Variants in PRKG1 observed in about 807,000 individuals in gnomAD.
PRKG1 encodes the protein protein kinase cGMP-dependent 1, also known as cGMP-dependent protein kinase 1.
In PRKG1, 35 loss-of-function variants were observed where a neutral mutation model predicts 88.1. The observed-to-expected ratio is 0.40, with a 90% confidence interval of 0.30 to 0.53. PRKG1 has a LOEUF of 0.53. Among genes scored for constraint, PRKG1 ranks in the 20% least tolerant of loss-of-function variants. The probability of loss-of-function intolerance (pLI) is 0.59; values close to 1 mark genes in which losing one functional copy is unlikely to be tolerated. For synonymous variants in PRKG1, 303 were observed against 292.5 expected, an observed-to-expected ratio of 1.04 and a Z score of -0.37; for missense variants, 540 against 839.8, an observed-to-expected ratio of 0.64 and a Z score of 4.41.
Position 51,471,255 on chromosome 10 carries a change from G to A in PRKG1, c.592+3419G>A, listed in dbSNP as rs73336231. ...AAACATTCCCAATGGCATGGGGATG[G>A]GGAAAGAATCGCTTGTTATAGTTGG... On this transcript the variant is annotated intron_variant, in intron 3 of 17. Transcript: ENST00000373980. Among the ~76,000 whole-genome samples the A allele has an allele frequency of 5.5e-3, 831 of 151,948 alleles. 7 individuals are homozygous for A. Among genetic ancestry groups the A allele is most frequent in the African/African-American group, 0.019 (792 of 41,480 alleles).
At chr10:51,845,834 T>C (rs1182046650) in intron 4 of PRKG1, among the ~76,000 whole-genome samples, 2 of 152,170 alleles carry the variant, frequency 1.3e-5, no homozygotes, top group South Asian at 2.1e-4. Flanking sequence ...TACTTTATAG[T>C]TGATGAACTA....
chr10:51,693,751 T>C (rs1330501184), intron 3 of PRKG1, among the ~76,000 whole-genome samples: 2 of 152,170 alleles, frequency 1.3e-5, no homozygotes, highest in Non-Finnish European at 2.9e-5. Context: ...ACATGTTATA[T>C]ATTGTTGTAG....
At chr10:52,104,359 G>C (rs1390382592) in intron 7 of PRKG1, among the ~76,000 whole-genome samples, 1 of 151,952 alleles carries the variant, frequency 6.6e-6, no homozygotes, top group Non-Finnish European at 1.5e-5. Flanking sequence ...TTTAAAAACT[G>C]ATGTGGCCTT....
At chr10:52,034,984 C>T (rs1435077316) in intron 5 of PRKG1, among the ~76,000 whole-genome samples, 2 of 152,114 alleles carry the variant, frequency 1.3e-5, no homozygotes, top group African/African-American at 4.8e-5. Flanking sequence ...GACCTTTAGT[C>T]CATTCTACTT....
chr10:51,433,546 T>C (rs561444180), intron 2 of PRKG1, among the ~76,000 whole-genome samples: 48 of 152,128 alleles, frequency 3.2e-4, no homozygotes, highest in African/African-American at 1.1e-3. Context: ...AAAATCACAG[T>C]GTTCCCCTGC....
At chr10:52,224,555 A>G (rs927425616) in intron 9 of PRKG1, among the ~76,000 whole-genome samples, 7 of 132,568 alleles carry the variant, frequency 5.3e-5, no homozygotes, top group African/African-American at 1.9e-4. Context: ...TCACCCAAGC[A>G]GTATACACTT....
intron 12 of PRKG1, among the ~76,000 whole-genome samples, chr10:52,278,996 C>T (rs1841939982): frequency 6.6e-6 from 1 of 151,804 alleles, no homozygotes; most frequent in African/African-American, 2.4e-5. Context: ...CTTTGCAATG[C>T]TCTCCATTGA....
intron 3 of PRKG1, among the ~76,000 whole-genome samples, chr10:51,646,181 T>C (rs1166095785): frequency 4.6e-5 from 7 of 152,204 alleles, no homozygotes; most frequent in Admixed American, 4.6e-4. Flanking sequence ...GTTAGATACA[T>C]GGGCTGTGGA....
chr10:52,165,673 C>G (rs1020733594), intron 9 of PRKG1, among the ~76,000 whole-genome samples: 2 of 152,188 alleles, frequency 1.3e-5, no homozygotes, highest in African/African-American at 2.4e-5. Flanking sequence ...GTTAGTTATC[C>G]ATGGGAAATG....
At chr10:52,036,018 C>T (rs1195703862) in intron 5 of PRKG1, among the ~76,000 whole-genome samples, 4 of 152,076 alleles carry the variant, frequency 2.6e-5, no homozygotes, top group Admixed American at 1.3e-4. Flanking sequence ...AGAGATTAGT[C>T]GGACATGATT....
intron 5 of PRKG1, among the ~76,000 whole-genome samples, chr10:51,981,347 A>G (rs1390995183): frequency 6.6e-6 from 1 of 152,152 alleles, no homozygotes; most frequent in Non-Finnish European, 1.5e-5. Context: ...GCACTTTGGG[A>G]GGCCAAGGTG....
chr10:52,106,528 C>T (rs1343884003), intron 7 of PRKG1, among the ~76,000 whole-genome samples: 1 of 151,950 alleles, frequency 6.6e-6, no homozygotes, highest in Non-Finnish European at 1.5e-5. Context: ...AGATCATGTA[C>T]TTTAGGCCAG....
At chr10:52,116,223 T>A (rs1471742163) in intron 7 of PRKG1, among the ~76,000 whole-genome samples, 1 of 152,172 alleles carries the variant, frequency 6.6e-6, no homozygotes, top group African/African-American at 2.4e-5. Context: ...TTACAGTTCA[T>A]TATAGCTTTA....
intron 1 of PRKG1, among the ~76,000 whole-genome samples, chr10:51,046,607 C>T (rs1843492039): frequency 6.6e-6 from 1 of 152,150 alleles, no homozygotes; most frequent in South Asian, 2.1e-4. Context: ...AGAGAGACGA[C>T]AGGTCTTAAA....
chr10:51,218,291 G>A (rs1412072880), intron 2 of PRKG1, among the ~76,000 whole-genome samples: 1 of 151,472 alleles, frequency 6.6e-6, no homozygotes, highest in East Asian at 1.9e-4. Flanking sequence ...TATTTGTTTT[G>A]GTGAAGTTGA....
At chr10:51,090,192 CA>C in intron 1 of PRKG1, among the ~76,000 whole-genome samples, 1 of 152,328 alleles carries the variant, frequency 6.6e-6, no homozygotes, top group East Asian at 1.9e-4. Flanking sequence ...GCTCAATAAA[CA>C]GTTGCTGTTG....
chr10:51,814,850 A>ACATTT (rs1320133820), intron 4 of PRKG1, among the ~76,000 whole-genome samples: 5 of 152,196 alleles, frequency 3.3e-5, no homozygotes, highest in Non-Finnish European at 5.9e-5. Flanking sequence ...ATTCATCTGC[A>ACATTT]CATTTCATAT....
At chr10:51,935,847 A>G (rs993523033) in intron 5 of PRKG1, among the ~76,000 whole-genome samples, 1 of 152,098 alleles carries the variant, frequency 6.6e-6, no homozygotes, top group South Asian at 2.1e-4. Flanking sequence ...AGTACTCACT[A>G]AACTTTCCTG....
chr10:51,263,595 T>C (rs1839769045), intron 2 of PRKG1, among the ~76,000 whole-genome samples: 1 of 152,250 alleles, frequency 6.6e-6, no homozygotes, highest in Non-Finnish European at 1.5e-5. Context: ...AACCTTGCTC[T>C]CTTTATGTCC....
Sources: gnomAD v4.1 joint callset for allele counts (sites outside exome capture counted in the v4.1 genomes callset) on GRCh38, gnomAD v4.1.1 for gene constraint, MANE v1.5 for transcripts, NCBI Gene and HGNC (gene_info 2026-07-23, HGNC 2026-07-21) for gene names.